The following DNPEP variants were observed in gnomAD, a reference collection of about 807,000 sequenced individuals.
DNPEP encodes aspartyl aminopeptidase.
Under a neutral mutation model 59.1 loss-of-function variants are expected in DNPEP, and 46 were observed. The observed-to-expected ratio is 0.78, with a 90% CI of 0.61 to 0.99. The LOEUF is 0.99. Among genes scored for constraint, DNPEP ranks in the 50% least tolerant of loss-of-function variants. The pLI is 0.00. For synonymous variants in DNPEP, 229 were observed against 242.2 expected (o/e 0.95, Z 0.50); for missense variants, 617 against 649.9 (o/e 0.95, Z 0.55).
At chr2:219,395,899 C>T (rs1349357623) in intron 1 of DNPEP, among the ~76,000 whole-genome samples, 2 of 152,192 alleles carry the variant, frequency 1.3e-5, no homozygotes, top group African/African-American at 4.8e-5. Flanking sequence ...CTGCAATCCT[C>T]AGTGCCTGGC....
At chr2:219,386,478 C>T in intron 4 of DNPEP, 67 bp from the exon 5 acceptor site, 1 of 1,603,708 alleles carries the variant, frequency 6.2e-7, no homozygotes, top group Middle Eastern at 1.7e-4. Flanking sequence ...ACTTTGGCTA[C>T]TCATAAGTAA....
chr2:219,380,202 C>CT (rs71040453), intron 13 of DNPEP, among the ~76,000 whole-genome samples: 91,042 of 129,138 alleles, frequency 0.7, 32,275 homozygotes, highest in South Asian at 0.91. Context: ...TTTTTCTTTT[C>CT]TTTTTTTTTT....
In DNPEP at chr2:219,387,759, C is replaced by T. The variant is rs1170084165; in HGVS notation, c.36G>A (p.Gln12=). Residue 12 remains glutamine (Q), a splice_region_variant and synonymous_variant, in exon 1 of 15, where the codon CAG becomes CAA. Transcript: ENST00000273075. ...SGHSPTRGAM[Q]VAMNGKARKE... ...AGTGGGGCCGTCGGGAGCCACTTACCTGCATGGCCCCGCGCGTGGGGCTGT... is the reference window on the plus strand; with the variant it reads ...AGTGGGGCCGTCGGGAGCCACTTACTTGCATGGCCCCGCGCGTGGGGCTGT... 1 of 1,606,886 alleles carries T rather than the reference C, an allele frequency of 6.2e-7. No individual in the cohort carries two copies. The highest frequency in any genetic ancestry group is 8.5e-7 in the Non-Finnish European group (1 of 1,177,400).
chr2:219,387,011 G>T, intron 2 of DNPEP, 31 bp from the exon 3 acceptor site: 1 of 1,613,764 alleles, frequency 6.2e-7, no homozygotes, highest in Non-Finnish European at 8.5e-7. Flanking sequence ...CACAGCGATG[G>T]AAGCTGGTGA....
intron 1 of DNPEP, among the ~76,000 whole-genome samples, chr2:219,398,626 G>T (rs1270180729): frequency 6.6e-6 from 1 of 152,080 alleles, no homozygotes; most frequent in Non-Finnish European, 1.5e-5. Flanking sequence ...CTCCAGCCTG[G>T]GCGACAGAGC....
At chr2:219,388,592 C>T, upstream of DNPEP, 1 of 639,920 alleles carries the variant, frequency 1.6e-6, no homozygotes, top group Non-Finnish European at 1.9e-6. Context: ...CGACCCGCAG[C>T]CGCCGCCAGG....
chr2:219,397,403 T>G (rs768369711), intron 1 of DNPEP, among the ~76,000 whole-genome samples: 21 of 152,172 alleles, frequency 1.4e-4, no homozygotes, highest in Non-Finnish European at 2.6e-4. Flanking sequence ...TTTTGCTCTG[T>G]TGCCCAGGCT....
rs556198151 is a variant in DNPEP at position 219,372,404 on chromosome 2, C to A, written c.*1888G>T. 6.6e-5 allele frequency among the ~76,000 whole-genome samples: 10 copies of A among 151,930 alleles called. No individual in the cohort carries two copies. The highest frequency in any genetic ancestry group is 1.9e-4 in the African/African-American group (8 of 41,336). On this transcript the variant is annotated 3_prime_UTR_variant, in exon 15 of 15. Transcript: ENST00000273075. The stretch of plus-strand genomic sequence containing the variant: ...TTTTTGAGACGGAGTCTGGCTCTGT[C>A]GCCCAGGCTGGAGTGCAGTGGCTCA...
At chr2:219,392,721 G>A (rs1314078729), upstream of DNPEP, among the ~76,000 whole-genome samples, 1 of 152,096 alleles carries the variant, frequency 6.6e-6, no homozygotes, top group Non-Finnish European at 1.5e-5. Context: ...TGTTGGCCAG[G>A]CTGGTCTTGA....
intron 1 of DNPEP, among the ~76,000 whole-genome samples, chr2:219,398,105 C>G (rs898680892): frequency 6.6e-6 from 1 of 152,096 alleles, no homozygotes; most frequent in African/African-American, 2.4e-5. Context: ...ATCTGTAAAC[C>G]GGTGGAAGAT....
In DNPEP at chr2:219,387,902, C is replaced by CA. The variant is rs1187131571; in HGVS notation, c.-109dup. ...AGGCCGCGCCGCACTCGTAGGCCTTCATCACGCTTCCCCGGCCGCGCCGCC... is the reference window on the plus strand; with the variant it reads ...AGGCCGCGCCGCACTCGTAGGCCTTCAATCACGCTTCCCCGGCCGCGCCGCC... On this transcript the variant is annotated 5_prime_UTR_variant, in exon 1 of 15. An upstream start codon of the reference 5' UTR is lost. Coordinates refer to ENST00000273075, the MANE Select transcript of DNPEP (RefSeq NM_012100.4). 94 of 1,392,854 alleles carry CA rather than the reference C, an allele frequency of 6.7e-5. No individual in the cohort carries two copies. The highest frequency in any genetic ancestry group is 8.5e-5 in the Non-Finnish European group (91 of 1,076,112). 86.3% of individuals were successfully genotyped at this position (1,392,854 alleles called of 1,614,324 possible).
chr2:219,385,786 G>A (rs1953789868), intron 6 of DNPEP, 80 bp from the exon 7 acceptor site: 2 of 1,424,996 alleles, frequency 1.4e-6, no homozygotes, highest in Non-Finnish European at 1.9e-6. Context: ...GGTGCCTCCT[G>A]ATGGGCAACT....
intron 13 of DNPEP, among the ~76,000 whole-genome samples, chr2:219,377,915 C>A (rs1401652899): frequency 1.3e-5 from 2 of 151,120 alleles, no homozygotes; most frequent in African/African-American, 2.4e-5. Flanking sequence ...AAAGCAAGAC[C>A]CTGTTTCTAA....
Position 219,381,587 on chromosome 2 carries a change from G to A in DNPEP, c.1098-3C>T, listed in dbSNP as rs1314664109. ...GGTGGTTCTCCTCATGCTTGTCCCTGTAAGAGACAGATAAGGGCCAGACAT... is the reference window on the plus strand; with the variant it reads ...GGTGGTTCTCCTCATGCTTGTCCCTATAAGAGACAGATAAGGGCCAGACAT... On this transcript the variant is annotated splice_region_variant and splice_polypyrimidine_tract_variant and intron_variant, in intron 11 of 14. Transcript: ENST00000273075. 1 of 1,613,984 alleles carries A rather than the reference G, an allele frequency of 6.2e-7. No individual in the cohort carries two copies. The highest frequency in any genetic ancestry group is 2.2e-5 in the East Asian group (1 of 44,884).
upstream of DNPEP, among the ~76,000 whole-genome samples, chr2:219,389,852 T>TAAATAAA (rs1559343889): frequency 3.0e-4 from 1 of 3,334 alleles, no homozygotes; most frequent in African/African-American, 4.6e-4. Context: ...ATAAATAAAA[T>TAAATAAA]TATGTATAAA....
rs1354223720 is a variant in DNPEP, at chr2:219,387,142, G to A, written c.58C>T (p.Arg20Cys). 6 of 1,563,048 alleles carry A rather than the reference G, an allele frequency of 3.8e-6. No individual in the cohort carries two copies. In the Admixed American group the frequency reaches 5.7e-5, roughly 15 times the overall value. Reference protein sequence around the residue: ...AMQVAMNGKARKEAVQTAAKE... With the variant: ...AMQVAMNGKACKEAVQTAAKE... ...GCCGCAGTCTGCACCGCCTCTTTGC[G>A]GGCCTTACCGTTCATGGCCACCTAG... Residue 20 changes from arginine (R) to cysteine (C), a missense_variant, in exon 2 of 15, where the codon CGC (arginine) becomes TGC (cysteine). Arg to Cys is a radical substitution (Grantham distance 180). Transcript: ENST00000273075.
At chr2:219,380,088 C>A (rs1018183424) in intron 13 of DNPEP, among the ~76,000 whole-genome samples, 1 of 152,066 alleles carries the variant, frequency 6.6e-6, no homozygotes, top group African/African-American at 2.4e-5. Context: ...ATTAACTCAC[C>A]ACTCACCCAG....
chr2:219,399,546 T>C (rs1200639266), intron 1 of DNPEP: 4 of 539,290 alleles, frequency 7.4e-6, no homozygotes, highest in Admixed American at 2.2e-5. Flanking sequence ...GAAACACTAA[T>C]CTAAATTATC....
chr2:219,399,868 TGTG>T (rs772226272), intron 1 of DNPEP: 3 of 1,550,194 alleles, frequency 1.9e-6, no homozygotes, highest in Non-Finnish European at 1.7e-6. Flanking sequence ...CCGGTTACCT[TGTG>T]GTAGCCATTG....
Sources: gnomAD v4.1 joint callset for allele counts (sites outside exome capture counted in the v4.1 genomes callset) on GRCh38, gnomAD v4.1.1 for gene constraint, MANE v1.5 for transcripts, NCBI Gene and HGNC (gene_info 2026-07-23, HGNC 2026-07-21) for gene names.